DCC: variants seen among roughly 807,000 people sequenced by gnomAD.
DCC encodes the protein netrin receptor DCC.
A neutral mutation model predicts 172.5 loss-of-function variants in DCC; 58 were observed. That is an observed-to-expected ratio of 0.34 (90% CI 0.27 to 0.42). The LOEUF (loss-of-function observed/expected upper bound fraction) is 0.42, where lower values mean the gene tolerates loss of function less well. Ranked by LOEUF, DCC falls within the 10% of genes least tolerant of loss-of-function variation. The pLI is 1.00. For missense variants in DCC, 1,740 were observed against 1,791.0 expected (o/e 0.97, Z 0.51); for synonymous variants, 709 against 644.5 (o/e 1.10, Z -1.52).
intron 5 of DCC, among the ~76,000 whole-genome samples, chr18:53,000,555 G>C (rs1003001891): frequency 2.0e-5 from 3 of 150,638 alleles, no homozygotes; most frequent in Admixed American, 6.6e-5. Flanking sequence ...ATGCTGAGGG[G>C]TCACCATGTT....
chr18:53,397,312 A>G lies in DCC; in HGVS notation c.2693A>G (p.Glu898Gly). Reference sequence around the variant, plus strand: ...TGCTATTTCCTACTTGTATAGTCAGAAGACACAACATCTCTAAGTTACACA... The same window carrying G: ...TGCTATTTCCTACTTGTATAGTCAGGAGACACAACATCTCTAAGTTACACA... The part of the protein sequence containing the change: ...SFSASAKYKS[E>G]DTTSLSYTAT... Residue 898 changes from glutamate to glycine, a missense_variant, in exon 18 of 29, where the codon GAA becomes GGA. Transcript: ENST00000442544. 6.2e-7 allele frequency: 1 copy of G among 1,613,506 alleles called. No individual in the cohort carries two copies. Among genetic ancestry groups the G allele is most frequent in the Non-Finnish European group, 8.5e-7 (1 of 1,179,572 alleles).
intron 1 of DCC, among the ~76,000 whole-genome samples, chr18:52,475,185 T>C (rs1989058418): frequency 6.6e-6 from 1 of 152,176 alleles, no homozygotes; most frequent in African/African-American, 2.4e-5. Context: ...AGATAGATAA[T>C]ACTTAAGCAA....
chr18:53,255,744 A>G (rs1437001959), intron 12 of DCC, among the ~76,000 whole-genome samples: 1 of 152,030 alleles, frequency 6.6e-6, no homozygotes, highest in African/African-American at 2.4e-5. Context: ...GGGATGGCTG[A>G]GTCAAATGGT....
At chr18:53,265,877 T>C (rs2056667744) in intron 12 of DCC, among the ~76,000 whole-genome samples, 1 of 152,206 alleles carries the variant, frequency 6.6e-6, no homozygotes, top group Admixed American at 6.5e-5. Flanking sequence ...GATACCTCTG[T>C]TCTTCAAGGT....
chr18:52,518,278 A>G (rs1025782322), intron 1 of DCC, among the ~76,000 whole-genome samples: 1 of 152,190 alleles, frequency 6.6e-6, no homozygotes, highest in South Asian at 2.1e-4. Flanking sequence ...ATTCCGTAAG[A>G]AAAAGCCATT....
rs181252903 is a variant in DCC, at chr18:53,173,440, T to G, written c.1419-5522T>G. ...TGTACAGTTCTATGGTATTAGCACA[T>G]GTACCTTGTTGTGCTACCATCACCA... is the stretch of plus-strand genomic sequence containing the variant. On this transcript the variant is annotated intron_variant, in intron 8 of 28. Coordinates refer to ENST00000442544, the MANE Select transcript of DCC (RefSeq NM_005215.4). Among the ~76,000 whole-genome samples, 80 of 152,258 alleles carry G rather than the reference T, an allele frequency of 5.3e-4. No individual in the cohort carries two copies. In the East Asian group the frequency reaches 0.015, roughly 29 times the overall value.
At chr18:52,964,153 C>G (rs943444905) in intron 5 of DCC, among the ~76,000 whole-genome samples, 2 of 152,104 alleles carry the variant, frequency 1.3e-5, no homozygotes, top group East Asian at 1.9e-4. Context: ...AAATTTCACT[C>G]TGCTCTTTTT....
intron 1 of DCC, among the ~76,000 whole-genome samples, chr18:52,401,624 G>A (rs753440315): frequency 2.6e-5 from 4 of 151,886 alleles, no homozygotes; most frequent in Non-Finnish European, 4.4e-5. Flanking sequence ...TTTTTCTCAG[G>A]TGCATTCATT....
chr18:53,198,352 C>A (rs976756477), intron 9 of DCC, among the ~76,000 whole-genome samples: 1 of 151,932 alleles, frequency 6.6e-6, no homozygotes, highest in Non-Finnish European at 1.5e-5. Context: ...TGACAGGTTT[C>A]TATCATAGGT....
chr18:52,359,786 C>T (rs1413781390), intron 1 of DCC, among the ~76,000 whole-genome samples: 1 of 152,196 alleles, frequency 6.6e-6, no homozygotes, highest in Non-Finnish European at 1.5e-5. Flanking sequence ...CTGTCACAGG[C>T]AATACTCAGT....
At chr18:53,282,690 T>A (rs1265860558) in intron 12 of DCC, among the ~76,000 whole-genome samples, 2 of 152,154 alleles carry the variant, frequency 1.3e-5, no homozygotes, top group African/African-American at 4.8e-5. Flanking sequence ...AGGACAATTT[T>A]TAAAAAGATT....
chr18:52,464,733 G>C (rs917874059), intron 1 of DCC, among the ~76,000 whole-genome samples: 1 of 151,844 alleles, frequency 6.6e-6, no homozygotes, highest in Middle Eastern at 3.2e-3. Context: ...CAGGCAGTTG[G>C]TACTACCTGT....
chr18:52,778,501 TC>T (rs2037475649), intron 2 of DCC, among the ~76,000 whole-genome samples: 1 of 152,142 alleles, frequency 6.6e-6, no homozygotes, highest in Admixed American at 6.6e-5. Flanking sequence ...ATAAAGACAT[TC>T]TAAATCCAAA....
At chr18:53,039,530 T>C (rs553016324) in intron 5 of DCC, among the ~76,000 whole-genome samples, 1 of 151,928 alleles carries the variant, frequency 6.6e-6, no homozygotes, top group Non-Finnish European at 1.5e-5. Context: ...GTGATTATTG[T>C]TTTTTGGGAG....
intron 1 of DCC, among the ~76,000 whole-genome samples, chr18:52,470,138 T>A (rs1455995527): frequency 6.6e-6 from 1 of 152,078 alleles, no homozygotes; most frequent in Non-Finnish European, 1.5e-5. Context: ...ATGCCGGAAA[T>A]AGATGGGAAA....
chr18:53,157,260 C>T (rs2054753553), intron 7 of DCC, 96 bp from the exon 8 acceptor site: 3 of 1,431,732 alleles, frequency 2.1e-6, no homozygotes, highest in South Asian at 1.2e-5. Flanking sequence ...GTGACTATGA[C>T]ATGGAGATGC....
chr18:52,623,354 G>C (rs578226911), intron 1 of DCC, among the ~76,000 whole-genome samples: 4 of 152,080 alleles, frequency 2.6e-5, no homozygotes, highest in African/African-American at 9.7e-5. Flanking sequence ...ACAATAAAAC[G>C]AGCATTAGGA....
In DCC at chr18:53,305,728, TC is replaced by T. The variant is rs1555649901; in HGVS notation, c.2053+10del. On this transcript the variant is annotated intron_variant, in intron 13 of 28. Transcript: ENST00000442544. ...CTGGTACCTATTCACAGGTCAGTGT[TC>T]ACATGGTGTAGTCTTGCAAGGTTTT... 6.2e-7 allele frequency: 1 copy of T among 1,613,540 alleles called. No individual in the cohort carries two copies. The highest frequency in any genetic ancestry group is 8.5e-7 in the Non-Finnish European group (1 of 1,179,590).
At chr18:53,247,408 A>G (rs2056378064) in intron 12 of DCC, among the ~76,000 whole-genome samples, 1 of 151,976 alleles carries the variant, frequency 6.6e-6, no homozygotes, top group South Asian at 2.1e-4. Flanking sequence ...TTCCAGGAAA[A>G]TTATATGTGC....
Sources: gnomAD v4.1 joint callset for allele counts (sites outside exome capture counted in the v4.1 genomes callset) on GRCh38, gnomAD v4.1.1 for gene constraint, MANE v1.5 for transcripts, NCBI Gene and HGNC (gene_info 2026-07-23, HGNC 2026-07-21) for gene names.